The following ERI1 variants were observed in gnomAD, a reference collection of about 807,000 sequenced individuals.
ERI1 encodes the protein 3'-5' exoribonuclease 1.
Under a neutral mutation model 39.7 loss-of-function variants are expected in ERI1, and 39 were observed. The ratio of observed to expected loss-of-function variants is 0.98; its 90% CI spans 0.76 to 1.28. The LOEUF (loss-of-function observed/expected upper bound fraction) is 1.28. Among genes scored for constraint, ERI1 ranks in the 50% most tolerant of loss-of-function variants. The probability of loss-of-function intolerance (pLI) is 0.00; values close to 1 mark genes in which losing one functional copy is unlikely to be tolerated. For missense variants in ERI1, 581 were observed against 416.9 expected, an observed-to-expected ratio of 1.39 and a Z score of -3.43; for synonymous variants, 204 against 149.6, an observed-to-expected ratio of 1.36 and a Z score of -2.65.
intron 3 of ERI1, among the ~76,000 whole-genome samples, chr8:9,044,433 T>G (rs2117354541): frequency 6.6e-6 from 1 of 152,258 alleles, no homozygotes; most frequent in East Asian, 1.9e-4. Context: ...GACACATCAC[T>G]GCGTCAGTTC....
rs1485306930 is a variant in ERI1 at position 9,022,138 on chromosome 8, G to GTC, written c.807+1675_807+1676insCT. Among the ~76,000 whole-genome samples the GTC allele has an allele frequency of 1.2e-4, 19 of 152,084 alleles. No homozygotes were observed. In the South Asian group the frequency reaches 3.9e-3, roughly 32 times the overall value. Reference sequence around the variant, plus strand: ...AGTGCTATGTGAGTTTATAGTTACTGTAAGTTTTTGCTAGCATCTGATATT... The same window carrying GTC: ...AGTGCTATGTGAGTTTATAGTTACTGTCTAAGTTTTTGCTAGCATCTGATATT... On this transcript the variant is annotated intron_variant, in intron 6 of 6. Coordinates refer to ENST00000250263, the MANE Select transcript of ERI1 (RefSeq NM_153332.4).
At chr8:9,003,274 T>A in intron 1 of ERI1, 103 bp downstream of exon 1, 1 of 680,392 alleles carries the variant, frequency 1.5e-6, no homozygotes, top group Non-Finnish European at 2.1e-6. Context: ...GGTGCAGCTG[T>A]GCGCCCTTGG....
chr8:9,060,948 C>A (rs994108581), intron 3 of ERI1, among the ~76,000 whole-genome samples: 1 of 152,178 alleles, frequency 6.6e-6, no homozygotes, highest in Non-Finnish European at 1.5e-5. Flanking sequence ...AGTGAGGAAA[C>A]CTCTTTCAGC....
At chr8:9,095,518 GT>G (rs997539450) in intron 3 of ERI1, among the ~76,000 whole-genome samples, 1 of 151,666 alleles carries the variant, frequency 6.6e-6, no homozygotes, top group Non-Finnish European at 1.5e-5. Flanking sequence ...TTGTTTGTTT[GT>G]TTTTGAGATG....
At chr8:9,028,872 C>T (rs1194397612) in intron 6 of ERI1, among the ~76,000 whole-genome samples, 1 of 152,050 alleles carries the variant, frequency 6.6e-6, no homozygotes, top group African/African-American at 2.4e-5. Context: ...GATCCACCTG[C>T]CTTGGCCTCC....
intron 3 of ERI1, among the ~76,000 whole-genome samples, chr8:9,014,491 C>T (rs1162184799): frequency 6.6e-6 from 1 of 152,078 alleles, no homozygotes; most frequent in African/African-American, 2.4e-5. Flanking sequence ...TACAGGCACC[C>T]AGGTTCCTTT....
intron 3 of ERI1, among the ~76,000 whole-genome samples, chr8:9,013,114 G>A (rs1486047082): frequency 2.0e-5 from 3 of 151,400 alleles, no homozygotes; most frequent in Non-Finnish European, 4.4e-5. Context: ...TCCTGGGTTC[G>A]AGCAGCTCTC....
chr8:9,047,630 T>G (rs1292672000), intron 3 of ERI1, among the ~76,000 whole-genome samples: 3 of 151,810 alleles, frequency 2.0e-5, no homozygotes, highest in East Asian at 1.9e-4. Flanking sequence ...GCCCAGGAGT[T>G]TGAGGCTGCA....
At chr8:9,042,677 G>T (rs774947750) in intron 3 of ERI1, among the ~76,000 whole-genome samples, 1 of 152,184 alleles carries the variant, frequency 6.6e-6, no homozygotes, top group Non-Finnish European at 1.5e-5. Flanking sequence ...GAAGTGTTAT[G>T]CTTTGAGGAG....
chr8:9,036,716 A>G (rs1366241356), downstream of ERI1, among the ~76,000 whole-genome samples: 1 of 152,088 alleles, frequency 6.6e-6, no homozygotes, highest in Non-Finnish European at 1.5e-5. Context: ...TGAGTAAAAG[A>G]ACAAAAGAGG....
intron 1 of ERI1, among the ~76,000 whole-genome samples, chr8:9,007,050 C>G (rs1447639585): frequency 6.6e-6 from 1 of 152,118 alleles, no homozygotes; most frequent in African/African-American, 2.4e-5. Context: ...TGGAACATAG[C>G]TAATATTTGT....
chr8:9,048,243 A>T (rs188984484), intron 3 of ERI1, among the ~76,000 whole-genome samples: 85 of 152,110 alleles, frequency 5.6e-4, no homozygotes, highest in Non-Finnish European at 2.8e-4. Flanking sequence ...GATTTGCTTC[A>T]TCGATCTGAG....
At position 9,011,689 on chromosome 8, in the gene ERI1, T is replaced by G. The variant is rs9650616; in HGVS notation, c.435T>G (p.Pro145=). 675,715 of 1,610,628 alleles carry G rather than the reference T, an allele frequency of 0.42. 149,997 individuals carry two copies. Among genetic ancestry groups the G allele is most frequent in the Non-Finnish European group, 0.46 (537,908 of 1,177,552 alleles). ...FEATCEEGNP[P]EFVHEIIEFP... The stretch of plus-strand genomic sequence containing the variant: ...CCACTTGTGAAGAAGGAAACCCACC[T>G]GAGTTTGTACATGAAATAATTGAAT... The change falls in exon 3 of 7, where the codon CCT becomes CCG. Residue 145 remains proline (P), a synonymous_variant. Coordinates refer to ENST00000250263, the MANE Select transcript of ERI1 (RefSeq NM_153332.4).
At chr8:9,045,500 A>T (rs113462161) in intron 3 of ERI1, among the ~76,000 whole-genome samples, 1 of 151,730 alleles carries the variant, frequency 6.6e-6, no homozygotes, top group African/African-American at 2.4e-5. Flanking sequence ...GTGGCTCTCA[A>T]ATCTGATGTA....
At chr8:9,047,215 TCAAA>T (rs1322356171) in intron 3 of ERI1, among the ~76,000 whole-genome samples, 3 of 152,076 alleles carry the variant, frequency 2.0e-5, no homozygotes, top group East Asian at 3.9e-4. Flanking sequence ...CACCTAAAAA[TCAAA>T]CAGAGACATT....
At position 9,074,726 on chromosome 8, in the gene ERI1, C is replaced by A. The variant is rs562444202; in HGVS notation, n.300-41622C>A. On this transcript the variant is annotated intron_variant and non_coding_transcript_variant, in intron 3 of 3. Transcript: ENST00000518663. ...CTGGGGTTACAGGCGTGAGCCACTGCGCCCAGCCAGTACTTTATATTTATT... is the reference window on the plus strand; with the variant it reads ...CTGGGGTTACAGGCGTGAGCCACTGAGCCCAGCCAGTACTTTATATTTATT... Among the ~76,000 whole-genome samples the A allele has an allele frequency of 4.6e-5, 7 of 152,332 alleles. No individual in the cohort carries two copies. In the South Asian group the frequency reaches 1.4e-3, roughly 32 times the overall value.
At chr8:9,086,378 C>T (rs550391671) in intron 3 of ERI1, among the ~76,000 whole-genome samples, 2 of 152,086 alleles carry the variant, frequency 1.3e-5, no homozygotes, top group South Asian at 2.1e-4. Flanking sequence ...GGCAAAACCC[C>T]GTCTCTACAA....
At chr8:9,034,397 G>A (rs1382884725), downstream of ERI1, among the ~76,000 whole-genome samples, 1 of 152,198 alleles carries the variant, frequency 6.6e-6, no homozygotes, top group Admixed American at 6.5e-5. Flanking sequence ...TGTGAATCCT[G>A]TGTGGAGAAA....
intron 4 of ERI1, 135 bp downstream of exon 4, chr8:9,016,540 G>T: frequency 3.3e-5 from 13 of 391,720 alleles, no homozygotes; most frequent in South Asian, 8.4e-5. Flanking sequence ...CTTTCATGTT[G>T]TAATAATTAA....
Sources: gnomAD v4.1 joint callset for allele counts (sites outside exome capture counted in the v4.1 genomes callset) on GRCh38, gnomAD v4.1.1 for gene constraint, MANE v1.5 for transcripts, NCBI Gene and HGNC (gene_info 2026-07-23, HGNC 2026-07-21) for gene names.